Variants in LRRC9 observed in about 807,000 individuals in gnomAD.
The protein encoded by LRRC9 is leucine-rich repeat-containing protein 9.
A neutral mutation model predicts 63.2 loss-of-function variants in LRRC9; 122 were observed. That is an observed-to-expected ratio of 1.93 (90% CI 1.67 to 2.24). The LOEUF (loss-of-function observed/expected upper bound fraction) is 2.24. Ranked by LOEUF, LRRC9 falls within the 30% of genes most tolerant of loss-of-function variation. The pLI is 0.00. For missense variants in LRRC9, 1,071 were observed against 627.7 expected, an observed-to-expected ratio of 1.71 and a Z score of -7.55; for synonymous variants, 366 against 213.1, an observed-to-expected ratio of 1.72 and a Z score of -6.25.
At chr14:60,034,752 G>A (rs1458256367) in intron 29 of LRRC9, among the ~76,000 whole-genome samples, 1 of 152,132 alleles carries the variant, frequency 6.6e-6, no homozygotes, top group Non-Finnish European at 1.5e-5. Flanking sequence ...ATCCGCTGAT[G>A]GGCACTTAGG....
intron 7 of LRRC9, among the ~76,000 whole-genome samples, chr14:59,940,537 A>G (rs1185903686): frequency 6.6e-6 from 1 of 152,090 alleles, no homozygotes; most frequent in Non-Finnish European, 1.5e-5. Flanking sequence ...AGGGAAGAAC[A>G]TATGGATTCA....
chr14:59,951,429 T>C (rs1883099231), intron 8 of LRRC9, among the ~76,000 whole-genome samples: 1 of 112,478 alleles, frequency 8.9e-6, no homozygotes, highest in Non-Finnish European at 1.9e-5. Context: ...TCAACTTCTT[T>C]GACTTTGGTT....
intron 12 of LRRC9, chr14:59,969,525 G>A (rs964954686): frequency 1.3e-5 from 2 of 152,160 alleles, no homozygotes; most frequent in Admixed American, 6.6e-5. Flanking sequence ...TTAAGAGATG[G>A]GCTCTGATTT....
rs1191584702 is a variant in LRRC9, at chr14:59,975,159, A to G, written c.1639+451A>G. Among the ~76,000 whole-genome samples the G allele has an allele frequency of 3.5e-5, 2 of 56,556 alleles. 1 individual carries two copies. Among genetic ancestry groups the G allele is most frequent in the Non-Finnish European group, 1.0e-4 (2 of 19,312 alleles). 37.1% of individuals were successfully genotyped at this position (56,556 alleles called of 152,430 possible). ...TATATACATATATATATGTATATAT[A>G]TATATGTATATATATATACACTACA... On this transcript the variant is annotated intron_variant, in intron 13 of 31. Coordinates refer to ENST00000445360, the Ensembl canonical transcript of LRRC9.
chr14:59,987,386 A>G (rs375118221), intron 17 of LRRC9, among the ~76,000 whole-genome samples: 1 of 91,042 alleles, frequency 1.1e-5, no homozygotes, highest in South Asian at 3.2e-4. Context: ...TATGCATTGT[A>G]TAAAAACAGA....
chr14:60,004,386 T>C lies in LRRC9; in HGVS notation c.2842+588T>C, dbSNP rs1228489558. Among the ~76,000 whole-genome samples, 2 of 152,120 alleles carry C rather than the reference T, an allele frequency of 1.3e-5. No homozygotes were observed. Among genetic ancestry groups the C allele is most frequent in the African/African-American group, 4.8e-5 (2 of 41,442 alleles). On this transcript the variant is annotated intron_variant, in intron 21 of 31. Transcript: ENST00000445360. The surrounding 1 kb of genome is among the most constrained non-coding windows in gnomAD (Gnocchi z 4.8). ...AATGAAAATTATACTCACTAGAGGT[T>C]GAAAATAAAATATACTATATGTAAC... is the stretch of plus-strand genomic sequence containing the variant.
At chr14:59,983,773 C>G (rs779107645) in intron 16 of LRRC9, among the ~76,000 whole-genome samples, 3 of 151,984 alleles carry the variant, frequency 2.0e-5, no homozygotes, top group Non-Finnish European at 4.4e-5. Flanking sequence ...ATTTTGGAAG[C>G]CAAAATTTAA....
rs1435700016 is a variant in LRRC9, at chr14:60,008,117, A to G, written c.3089A>G (p.Asp1030Gly). ...GGTTTATGCAACTTGGTCATTCTAG[A>G]CATGTGTGGGAACATCATTATATGG... Residue 1030 changes from aspartate to glycine, a missense_variant, in exon 23 of 32, where the codon GAC becomes GGC. Coordinates refer to ENST00000445360, the Ensembl canonical transcript of LRRC9. 7.1e-6 allele frequency: 5 copies of G among 700,532 alleles called. No homozygotes were observed. The Admixed American group carries it at 8.1e-5, about 11-fold the overall frequency. The allele number at this position is 700,532 out of a possible 1,614,324, so 43.4% of individuals were successfully genotyped here.
rs1272063019 is a variant in LRRC9, at chr14:60,002,597, GA to G, written c.2664+503del. On this transcript the variant is annotated intron_variant, in intron 20 of 31. Transcript: ENST00000445360. ...TGTCAATTACACTTCAACAGAGTTG[GA>G]AAAAATAAAAATAAGAAAGACATTG... Among the ~76,000 whole-genome samples the G allele has an allele frequency of 2.0e-5, 3 of 151,888 alleles. No individual in the cohort carries two copies. In the East Asian group the frequency reaches 5.8e-4, roughly 29 times the overall value.
At chr14:59,974,337 T>C (rs548251639) in intron 12 of LRRC9, among the ~76,000 whole-genome samples, 1 of 152,254 alleles carries the variant, frequency 6.6e-6, no homozygotes, top group Middle Eastern at 3.4e-3. Context: ...TGGCTGCTTT[T>C]CCAGGAACAA....
intron 23 of LRRC9, among the ~76,000 whole-genome samples, chr14:60,011,309 C>A (rs1355900858): frequency 6.6e-6 from 1 of 152,146 alleles, no homozygotes; most frequent in Non-Finnish European, 1.5e-5. Context: ...ATCACAAGAA[C>A]AGCACAGGAA....
Position 60,018,370 on chromosome 14 carries a change from G to T in LRRC9, c.3318-1G>T. On this transcript the variant is annotated splice_acceptor_variant, in intron 24 of 31. Coordinates refer to ENST00000445360, the Ensembl canonical transcript of LRRC9. LOFTEE classifies it high-confidence loss of function. ...GCTGTATTTACTTTGTCTAAATTCAGAACAGTGGATTTGATTCCAGTCGAC... is the reference window on the plus strand; with the variant it reads ...GCTGTATTTACTTTGTCTAAATTCATAACAGTGGATTTGATTCCAGTCGAC... The T allele has an allele frequency of 1.4e-6, 1 of 700,094 alleles. No individual in the cohort carries two copies. Among genetic ancestry groups the T allele is most frequent in the South Asian group, 1.5e-5 (1 of 67,454 alleles). The allele number at this position is 700,094 out of a possible 1,614,324, so 43.4% of individuals were successfully genotyped here.
chr14:60,010,480 G>A (rs219379), intron 23 of LRRC9, among the ~76,000 whole-genome samples: 111,751 of 151,838 alleles, frequency 0.74, 43,605 homozygotes, highest in Non-Finnish European at 0.87. Context: ...TCCCTCCTAG[G>A]CCTCCAGGCC....
chr14:60,041,599 A>C (rs1892948804), intron 29 of LRRC9, among the ~76,000 whole-genome samples: 1 of 152,150 alleles, frequency 6.6e-6, no homozygotes, highest in Admixed American at 6.6e-5. Flanking sequence ...CCATCAGGTC[A>C]TTTAAGGACT....
chr14:60,052,252 T>C (rs985820952), intron 29 of LRRC9, among the ~76,000 whole-genome samples: 2 of 152,232 alleles, frequency 1.3e-5, no homozygotes, highest in Non-Finnish European at 2.9e-5. Context: ...TTAAGTAGGA[T>C]ACCTAGCTCA....
At chr14:60,008,623 T>C (rs1399726962) in intron 23 of LRRC9, among the ~76,000 whole-genome samples, 1 of 152,170 alleles carries the variant, frequency 6.6e-6, no homozygotes, top group Non-Finnish European at 1.5e-5. Context: ...CAACATGTGG[T>C]ATGTCAACAT....
At chr14:59,979,541 G>A (rs1222658881) in intron 15 of LRRC9, among the ~76,000 whole-genome samples, 1 of 145,892 alleles carries the variant, frequency 6.9e-6, no homozygotes, top group East Asian at 2.0e-4. Context: ...GAACCCGGGA[G>A]GCAGAGCTTG....
chr14:60,006,119 G>A (rs1264203000), intron 21 of LRRC9, among the ~76,000 whole-genome samples: 2 of 152,046 alleles, frequency 1.3e-5, no homozygotes, highest in Non-Finnish European at 2.9e-5. Context: ...ATTTGAAAGA[G>A]AAATTCAATA....
intron 20 of LRRC9, 34 bp downstream of exon 20, chr14:60,002,134 C>A: frequency 1.5e-6 from 1 of 672,322 alleles, no homozygotes; most frequent in Non-Finnish European, 2.7e-6. Flanking sequence ...TAATATAAAG[C>A]TTAATTTAAA....
Sources: allele counts gnomAD v4.1 joint callset (sites outside exome capture counted in the v4.1 genomes callset), GRCh38; gene constraint gnomAD v4.1.1; non-coding constraint Gnocchi (gnomAD v3.1); transcripts MANE v1.5; gene names NCBI Gene and HGNC (gene_info 2026-07-23, HGNC 2026-07-21).